PTPRD: variants seen among roughly 807,000 people sequenced by gnomAD.
The protein encoded by PTPRD is protein tyrosine phosphatase receptor type D, also known as receptor-type tyrosine-protein phosphatase delta.
A neutral mutation model predicts 214.5 loss-of-function variants in PTPRD; 34 were observed. The observed-to-expected ratio is 0.16, with a 90% CI of 0.12 to 0.21. The LOEUF (loss-of-function observed/expected upper bound fraction) is 0.21. PTPRD is among the 10% of genes least tolerant of loss of function. PTPRD has a pLI of 1.00. For synonymous variants in PTPRD, 1,128 were observed against 845.7 expected (o/e 1.33, Z -5.79); for missense variants, 2,545 against 2,398.7 (o/e 1.06, Z -1.27).
intron 36 of PTPRD, among the ~76,000 whole-genome samples, chr9:8,403,530 T>C (rs1355619147): frequency 6.6e-6 from 1 of 152,194 alleles, no homozygotes; most frequent in Admixed American, 6.5e-5. Flanking sequence ...GAGTAACTAA[T>C]GAAATACTGT....
At chr9:8,967,954 C>T (rs1389596565) in intron 11 of PTPRD, among the ~76,000 whole-genome samples, 1 of 152,030 alleles carries the variant, frequency 6.6e-6, no homozygotes, top group Admixed American at 6.6e-5. Flanking sequence ...CTTCCTGTGT[C>T]CAAGTGTTCT....
At chr9:8,560,754 A>G (rs762920952) in intron 14 of PTPRD, among the ~76,000 whole-genome samples, 2 of 152,176 alleles carry the variant, frequency 1.3e-5, no homozygotes, top group African/African-American at 4.8e-5. Flanking sequence ...CTGTGCCTGT[A>G]TAAGGAGCAT....
At chr9:10,356,253 C>T (rs992364458) in intron 2 of PTPRD, among the ~76,000 whole-genome samples, 2 of 151,950 alleles carry the variant, frequency 1.3e-5, no homozygotes. Context: ...GAAGACAGTG[C>T]CTCAAGGAGA....
intron 11 of PTPRD, among the ~76,000 whole-genome samples, chr9:8,739,842 G>C (rs531777431): frequency 6.6e-6 from 1 of 152,272 alleles, no homozygotes; most frequent in Admixed American, 6.5e-5. Flanking sequence ...TAGTGAATAA[G>C]TCTCATGAGA....
chr9:9,925,354 G>T (rs183843380), intron 5 of PTPRD, among the ~76,000 whole-genome samples: 6 of 152,106 alleles, frequency 3.9e-5, no homozygotes, highest in African/African-American at 1.4e-4. Context: ...AGTCAAAGTT[G>T]AGTTTTTAAG....
intron 11 of PTPRD, among the ~76,000 whole-genome samples, chr9:8,818,337 C>T (rs2096965849): frequency 1.3e-5 from 2 of 152,066 alleles, no homozygotes; most frequent in Non-Finnish European, 2.9e-5. Flanking sequence ...AGCGGATAGG[C>T]AGAGAGATAA....
chr9:9,593,037 T>C (rs1309178119), intron 7 of PTPRD, among the ~76,000 whole-genome samples: 2 of 137,038 alleles, frequency 1.5e-5, no homozygotes, highest in Non-Finnish European at 3.1e-5. Flanking sequence ...AGAGCAAGAC[T>C]CTGTCAAAAA....
At chr9:9,286,876 ATATAT>A (rs1368286157) in intron 9 of PTPRD, among the ~76,000 whole-genome samples, 6 of 8,630 alleles carry the variant, frequency 7.0e-4, no homozygotes, top group Admixed American at 4.0e-3. Flanking sequence ...ACTACTGAAT[ATATAT>A]ATATATATAT....
In PTPRD at chr9:8,757,663, TATACATAC is replaced by T. The variant is rs1255547328; in HGVS notation, c.-103-23725_-103-23718del. On this transcript the variant is annotated intron_variant, in intron 11 of 45. Coordinates refer to ENST00000381196, the MANE Select transcript of PTPRD (RefSeq NM_002839.4). ...ATATACATACATATATACATATATA[TATACATAC>T]ATATATATATATACATAAAAACATT... is the stretch of plus-strand genomic sequence containing the variant. Among the ~76,000 whole-genome samples the T allele has an allele frequency of 5.8e-3, 828 of 142,832 alleles. 15 individuals are homozygous for T. The highest frequency in any genetic ancestry group is 0.017 in the African/African-American group (607 of 36,188). 93.7% of individuals were successfully genotyped at this position (142,832 alleles called of 152,430 possible).
At chr9:9,344,277 T>G (rs1394666642) in intron 9 of PTPRD, among the ~76,000 whole-genome samples, 3 of 151,008 alleles carry the variant, frequency 2.0e-5, no homozygotes, top group Non-Finnish European at 4.4e-5. Context: ...AGTTGCACAG[T>G]GAGAACACAT....
At chr9:10,395,813 CAAACA>C (rs962012665) in intron 2 of PTPRD, among the ~76,000 whole-genome samples, 2 of 151,716 alleles carry the variant, frequency 1.3e-5, no homozygotes, top group African/African-American at 4.8e-5. Context: ...AAGGAAAAGG[CAAACA>C]AAACAGTGAA....
intron 7 of PTPRD, among the ~76,000 whole-genome samples, chr9:9,634,657 T>A (rs2095698487): frequency 6.6e-6 from 1 of 152,196 alleles, no homozygotes; most frequent in African/African-American, 2.4e-5. Flanking sequence ...GCAGGTTCTA[T>A]CTTGTCAAAA....
At chr9:10,254,851 T>C (rs1407147406) in intron 3 of PTPRD, among the ~76,000 whole-genome samples, 1 of 152,200 alleles carries the variant, frequency 6.6e-6, no homozygotes, top group African/African-American at 2.4e-5. Context: ...AGGAGACTCA[T>C]GATAAGCAGC....
intron 14 of PTPRD, among the ~76,000 whole-genome samples, chr9:8,546,046 G>C (rs887868077): frequency 1.3e-5 from 2 of 152,202 alleles, no homozygotes; most frequent in Non-Finnish European, 2.9e-5. Flanking sequence ...ACACAGATCA[G>C]TGGTAACATC....
chr9:9,777,887 C>A (rs996846532), intron 5 of PTPRD, among the ~76,000 whole-genome samples: 2 of 152,026 alleles, frequency 1.3e-5, no homozygotes, highest in African/African-American at 4.8e-5. Context: ...AACACAATTA[C>A]CCCAAATGGG....
In PTPRD at chr9:9,361,993, G is replaced by A. The variant is rs75445264; in HGVS notation, c.-203+35456C>T. Among the ~76,000 whole-genome samples, 791 of 151,080 alleles carry A rather than the reference G, an allele frequency of 5.2e-3. 2 individuals are homozygous for A. Among genetic ancestry groups the A allele is most frequent in the African/African-American group, 0.018 (764 of 41,368 alleles). On this transcript the variant is annotated intron_variant, in intron 9 of 45. Coordinates refer to ENST00000381196, the MANE Select transcript of PTPRD (RefSeq NM_002839.4). ...ATAAACTCCTTTTGGAAGAGCCAAC[G>A]TTAGTCATTCTTGAGTCCAATCAGA...
intron 9 of PTPRD, among the ~76,000 whole-genome samples, chr9:9,226,397 C>T (rs574510674): frequency 6.6e-6 from 1 of 152,100 alleles, no homozygotes; most frequent in East Asian, 1.9e-4. Context: ...CTATCTATCT[C>T]AGAAGACTCA....
rs111837144 is a variant in PTPRD at position 8,815,756 on chromosome 9, G to C, written c.-103-81810C>G. 6.0e-4 allele frequency among the ~76,000 whole-genome samples: 91 copies of C among 152,154 alleles called. 1 individual carries two copies. The highest frequency in any genetic ancestry group is 2.1e-3 in the African/African-American group (86 of 41,498). Reference sequence around the variant, plus strand: ...GTGTTGATACAATTCTTTAGTTAAAGTCATTAAGTCTGTTTTGGAATATCT... The same window carrying C: ...GTGTTGATACAATTCTTTAGTTAAACTCATTAAGTCTGTTTTGGAATATCT... On this transcript the variant is annotated intron_variant, in intron 11 of 45. Transcript: ENST00000381196.
At chr9:9,564,576 G>A (rs6477403) in intron 8 of PTPRD, among the ~76,000 whole-genome samples, 4,315 of 152,018 alleles carry the variant, frequency 0.028, 221 homozygotes, top group African/African-American at 0.097. Flanking sequence ...GAACCTTTGG[G>A]TTGGAGCTTT....
Sources: allele counts gnomAD v4.1 joint callset (sites outside exome capture counted in the v4.1 genomes callset), GRCh38; gene constraint gnomAD v4.1.1; transcripts MANE v1.5; gene names NCBI Gene and HGNC (gene_info 2026-07-23, HGNC 2026-07-21).